Variants in WWOX observed in about 807,000 individuals in gnomAD.
WWOX encodes the protein WW domain-containing oxidoreductase.
In WWOX, 69 loss-of-function variants were observed where a neutral mutation model predicts 46.2. The observed-to-expected ratio is 1.49, with a 90% CI of 1.23 to 1.82. The LOEUF is 1.82. Among genes scored for constraint, WWOX ranks in the 40% most tolerant of loss-of-function variants. The pLI is 0.00. For missense variants in WWOX, 919 were observed against 542.6 expected, an observed-to-expected ratio of 1.69 and a Z score of -6.89; for synonymous variants, 359 against 202.6, an observed-to-expected ratio of 1.77 and a Z score of -6.56.
chr16:78,727,034 T>A (rs931418225), intron 8 of WWOX, among the ~76,000 whole-genome samples: 7 of 152,180 alleles, frequency 4.6e-5, no homozygotes, highest in African/African-American at 1.7e-4. Flanking sequence ...TAAGTTGCCT[T>A]ATTCCAGCAC....
At chr16:78,976,238 C>T (rs910792652) in intron 8 of WWOX, among the ~76,000 whole-genome samples, 20 of 152,180 alleles carry the variant, frequency 1.3e-4, no homozygotes, top group African/African-American at 4.6e-4. Context: ...TGCAAATCTC[C>T]CTGCACACTT....
chr16:78,616,101 G>A (rs1005735996), intron 8 of WWOX, among the ~76,000 whole-genome samples: 10 of 151,998 alleles, frequency 6.6e-5, no homozygotes, highest in African/African-American at 1.9e-4. Context: ...CACTTCCTAC[G>A]TAGAATTCCC....
intron 8 of WWOX, among the ~76,000 whole-genome samples, chr16:79,095,043 A>C (rs571065099): frequency 1.3e-5 from 2 of 152,260 alleles, no homozygotes; most frequent in African/African-American, 2.4e-5. Context: ...CTGGTCCACA[A>C]ATTGAGGCAA....
In WWOX at chr16:78,585,675, G is replaced by GTTTT. The variant is rs72477856; in HGVS notation, c.1056+152931_1056+152934dup. ...TGTTTTTTCTTTTGTTTTGTTTTGG[G>GTTTT]TTTTTTTTTTTGTTTTTTTTTGTTT... On this transcript the variant is annotated intron_variant, in intron 8 of 8. Transcript: ENST00000566780. Among the ~76,000 whole-genome samples the GTTTT allele has an allele frequency of 3.6e-3, 512 of 141,906 alleles. 3 individuals carry two copies. The highest frequency in any genetic ancestry group is 0.013 in the African/African-American group (493 of 38,654). The allele number at this position is 141,906 out of a possible 152,430, so 93.1% of individuals were successfully genotyped here.
intron 8 of WWOX, among the ~76,000 whole-genome samples, chr16:78,869,628 T>C (rs2044083032): frequency 6.6e-6 from 1 of 152,182 alleles, no homozygotes; most frequent in South Asian, 2.1e-4. Context: ...GGTGTCATGA[T>C]GGGTTACTGA....
chr16:78,631,471 A>C (rs1232437458), intron 8 of WWOX, among the ~76,000 whole-genome samples: 3 of 152,022 alleles, frequency 2.0e-5, no homozygotes, highest in Non-Finnish European at 2.9e-5. Context: ...AAGCTAAATC[A>C]GTTTAATTTA....
At chr16:78,380,698 A>G (rs1392015985) in intron 5 of WWOX, among the ~76,000 whole-genome samples, 2 of 152,152 alleles carry the variant, frequency 1.3e-5, no homozygotes, top group African/African-American at 4.8e-5. Context: ...ACTGCTTTAG[A>G]TACATTGCCT....
intron 8 of WWOX, among the ~76,000 whole-genome samples, chr16:78,947,669 G>T (rs138428015): frequency 4.9e-4 from 74 of 152,258 alleles, no homozygotes; most frequent in African/African-American, 1.7e-3. Context: ...CGCTTGCATT[G>T]TTCAATAAAG....
chr16:78,494,438 C>A (rs1010451048), intron 8 of WWOX, among the ~76,000 whole-genome samples: 1 of 151,980 alleles, frequency 6.6e-6, no homozygotes, highest in Non-Finnish European at 1.5e-5. Flanking sequence ...TGATGTCTTT[C>A]CTTTTGCATT....
At chr16:79,104,787 G>A (rs911982991) in intron 8 of WWOX, among the ~76,000 whole-genome samples, 14 of 152,072 alleles carry the variant, frequency 9.2e-5, no homozygotes, top group Non-Finnish European at 4.4e-5. Flanking sequence ...AAGAATGCAC[G>A]CTGGGAATTC....
chr16:78,164,472 C>A (rs753650136), intron 5 of WWOX, among the ~76,000 whole-genome samples, 183 bp downstream of exon 5: 4 of 152,166 alleles, frequency 2.6e-5, no homozygotes, highest in East Asian at 3.8e-4. Context: ...ATTATTCACG[C>A]ATTTGTTTGT....
At position 78,735,394 on chromosome 16, in the gene WWOX, AACAC is replaced by A. The variant is rs35975130; in HGVS notation, c.1056+302671_1056+302674del. Among the ~76,000 whole-genome samples, 639 of 121,330 alleles carry A rather than the reference AACAC, an allele frequency of 5.3e-3. 4 individuals are homozygous for A. The highest frequency in any genetic ancestry group is 0.027 in the Middle Eastern group (6 of 226). 79.6% of individuals were successfully genotyped at this position (121,330 alleles called of 152,430 possible). ...AGAGATGTCATACACACCACACACA[AACAC>A]ACACACACACACACACACACACACA... On this transcript the variant is annotated intron_variant, in intron 8 of 8. Transcript: ENST00000566780.
chr16:78,253,479 C>T (rs1597404780), intron 5 of WWOX, among the ~76,000 whole-genome samples: 1 of 152,294 alleles, frequency 6.6e-6, no homozygotes, highest in Middle Eastern at 3.4e-3. Context: ...TGCTCAAGAT[C>T]ACTGGGTTAG....
chr16:78,904,970 C>A (rs2044924230), intron 8 of WWOX, among the ~76,000 whole-genome samples: 2 of 152,286 alleles, frequency 1.3e-5, no homozygotes, highest in South Asian at 4.1e-4. Context: ...CCTTATCCTA[C>A]CTCCCAATAG....
At chr16:78,469,581 T>A (rs2084171640) in intron 8 of WWOX, among the ~76,000 whole-genome samples, 1 of 151,916 alleles carries the variant, frequency 6.6e-6, no homozygotes, top group Non-Finnish European at 1.5e-5. Context: ...ATAAAAGGGG[T>A]CTAGTTAAGA....
chr16:78,430,002 C>G (rs1277606212), intron 7 of WWOX, among the ~76,000 whole-genome samples: 1 of 152,136 alleles, frequency 6.6e-6, no homozygotes. Context: ...CTATATTAGT[C>G]TGTTCTCATG....
rs59900108 is a variant in WWOX at position 78,541,473 on chromosome 16, CAAAAAAAAAAAAAAAA to C, written c.1056+108739_1056+108754del. On this transcript the variant is annotated intron_variant, in intron 8 of 8. Transcript: ENST00000566780. ...TGGGCGACAGAGCGAGACTCCGTCT[CAAAAAAAAAAAAAAAA>C]AAAAAAAAAAAAAAAAAGACACGTA... 4.0e-4 allele frequency among the ~76,000 whole-genome samples: 18 copies of C among 45,170 alleles called. 1 individual carries two copies. The highest frequency in any genetic ancestry group is 2.5e-3 in the Admixed American group (6 of 2,390). 29.6% of individuals were successfully genotyped at this position (45,170 alleles called of 152,430 possible).
chr16:78,973,618 A>C (rs1029290693), intron 8 of WWOX, among the ~76,000 whole-genome samples: 1 of 152,166 alleles, frequency 6.6e-6, no homozygotes, highest in Non-Finnish European at 1.5e-5. Context: ...TAGGAGGACC[A>C]ACTTCAGGGT....
At chr16:78,907,035 A>G (rs2044983488) in intron 8 of WWOX, among the ~76,000 whole-genome samples, 1 of 152,194 alleles carries the variant, frequency 6.6e-6, no homozygotes, top group South Asian at 2.1e-4. Flanking sequence ...TGCAATAGGG[A>G]AAGAGTTTAA....
Sources: allele counts gnomAD v4.1 joint callset (sites outside exome capture counted in the v4.1 genomes callset), GRCh38; gene constraint gnomAD v4.1.1; transcripts MANE v1.5; gene names NCBI Gene and HGNC (gene_info 2026-07-23, HGNC 2026-07-21).